The following CDK19 variants were observed in gnomAD, a reference collection of about 807,000 sequenced individuals.
CDK19 encodes the protein cyclin dependent kinase 19, also known as cyclin-dependent kinase 19.
A neutral mutation model predicts 68.3 loss-of-function variants in CDK19; 20 were observed. That is an observed-to-expected ratio of 0.29 (90% CI 0.21 to 0.43). The LOEUF is 0.43. Ranked by LOEUF, CDK19 falls within the 20% of genes least tolerant of loss-of-function variation. The pLI, the probability that CDK19 is intolerant of heterozygous loss-of-function variation, is 1.00. For synonymous variants in CDK19, 221 were observed against 222.8 expected, an observed-to-expected ratio of 0.99 and a Z score of 0.07; for missense variants, 339 against 623.5, an observed-to-expected ratio of 0.54 and a Z score of 4.86.
In CDK19 at chr6:110,797,558, T is replaced by A. The variant is rs149638657; in HGVS notation, c.128+17451A>T. On this transcript the variant is annotated intron_variant, in intron 1 of 12. Coordinates refer to ENST00000368911, the MANE Select transcript of CDK19 (RefSeq NM_015076.5). ...AGAAAGAAAATGGAGGGAAGGAAGA[T>A]AGAAAAGAAAAAAGGAAGAAAGCAG... is the stretch of plus-strand genomic sequence containing the variant. Among the ~76,000 whole-genome samples, 812 of 151,638 alleles carry A rather than the reference T, an allele frequency of 5.4e-3. 10 individuals are homozygous for A. Among genetic ancestry groups the A allele is most frequent in the African/African-American group, 0.019 (768 of 41,360 alleles).
chr6:110,740,298 G>T (rs910072456), intron 2 of CDK19, among the ~76,000 whole-genome samples: 1 of 152,054 alleles, frequency 6.6e-6, no homozygotes, highest in Non-Finnish European at 1.5e-5. Context: ...GATCACAGAG[G>T]CCACAAATGT....
intron 1 of CDK19, among the ~76,000 whole-genome samples, chr6:110,773,434 C>T (rs970852582): frequency 6.6e-6 from 1 of 151,972 alleles, no homozygotes; most frequent in Non-Finnish European, 1.5e-5. Context: ...AGCATGAATG[C>T]CTATCTTCCA....
intron 2 of CDK19, among the ~76,000 whole-genome samples, chr6:110,714,159 C>T (rs1319452158): frequency 6.6e-6 from 1 of 152,186 alleles, no homozygotes; most frequent in Non-Finnish European, 1.5e-5. Flanking sequence ...TTACTCTGGA[C>T]ATTTCATATA....
intron 4 of CDK19, among the ~76,000 whole-genome samples, chr6:110,661,066 C>T (rs1781590763): frequency 6.6e-6 from 1 of 152,140 alleles, no homozygotes; most frequent in East Asian, 1.9e-4. Context: ...TGGACTATAC[C>T]TAATAACTTG....
intron 4 of CDK19, among the ~76,000 whole-genome samples, chr6:110,656,168 T>A: frequency 6.6e-6 from 1 of 152,208 alleles, no homozygotes; most frequent in East Asian, 1.9e-4. Context: ...CTTGTTGCTT[T>A]ATGATTATGT....
intron 8 of CDK19, 61 bp from the exon 9 acceptor site, chr6:110,623,423 T>C: frequency 1.9e-6 from 3 of 1,580,678 alleles, no homozygotes; most frequent in Non-Finnish European, 2.6e-6. Flanking sequence ...TATTTCTTAA[T>C]GATAAGCTCC....
At chr6:110,634,187 C>CT (rs1192250624) in intron 5 of CDK19, among the ~76,000 whole-genome samples, 1 of 151,932 alleles carries the variant, frequency 6.6e-6, no homozygotes, top group Non-Finnish European at 1.5e-5. Context: ...GGCAAAAAAT[C>CT]TTTTTAATTT....
chr6:110,784,787 A>G (rs1176729070), intron 1 of CDK19, among the ~76,000 whole-genome samples: 1 of 152,208 alleles, frequency 6.6e-6, no homozygotes, highest in Non-Finnish European at 1.5e-5. Context: ...CCACACAGTC[A>G]TCTGAAAGAA....
chr6:110,743,695 C>T (rs901554398), intron 2 of CDK19, among the ~76,000 whole-genome samples: 12 of 151,994 alleles, frequency 7.9e-5, no homozygotes, highest in Non-Finnish European at 1.5e-4. Context: ...TAAGTTTCTC[C>T]ATCACATTCC....
At chr6:110,748,232 A>G (rs555548036) in intron 1 of CDK19, among the ~76,000 whole-genome samples, 6 of 152,320 alleles carry the variant, frequency 3.9e-5, no homozygotes, top group South Asian at 4.1e-4. Flanking sequence ...TATGGAAACT[A>G]TAAGATCTTT....
chr6:110,637,773 A>G (rs1779875321), intron 5 of CDK19, among the ~76,000 whole-genome samples: 1 of 152,180 alleles, frequency 6.6e-6, no homozygotes, highest in Admixed American at 6.5e-5. Context: ...TGAGGTCAGG[A>G]GTTCGAGACC....
chr6:110,659,090 A>C (rs1397074044), intron 4 of CDK19, among the ~76,000 whole-genome samples: 1 of 152,246 alleles, frequency 6.6e-6, no homozygotes, highest in Non-Finnish European at 1.5e-5. Flanking sequence ...AGTAAGGCTA[A>C]AACTCTAGAG....
chr6:110,711,730 G>A (rs962209657), intron 2 of CDK19, among the ~76,000 whole-genome samples: 3 of 152,266 alleles, frequency 2.0e-5, no homozygotes, highest in Admixed American at 1.3e-4. Context: ...CACTTTGGGA[G>A]GCCAAGGCGG....
intron 1 of CDK19, among the ~76,000 whole-genome samples, chr6:110,795,807 TAA>T (rs1424138967): frequency 9.2e-5 from 14 of 152,260 alleles, no homozygotes; most frequent in South Asian, 4.1e-4. Flanking sequence ...CATATTCATA[TAA>T]GAGTATAAAC....
At chr6:110,728,198 G>A (rs1307570344) in intron 2 of CDK19, among the ~76,000 whole-genome samples, 4 of 150,978 alleles carry the variant, frequency 2.6e-5, no homozygotes, top group Non-Finnish European at 5.9e-5. Context: ...TAAGGCAGCA[G>A]AATTGCTTGA....
At chr6:110,746,704 C>T (rs1778100289) in intron 1 of CDK19, among the ~76,000 whole-genome samples, 1 of 152,034 alleles carries the variant, frequency 6.6e-6, no homozygotes, top group African/African-American at 2.4e-5. Context: ...ATTCAAAAGC[C>T]CGAGGACCTC....
chr6:110,626,763 T>A lies in CDK19; in HGVS notation c.860+13A>T. 1 of 1,480,118 alleles carries A rather than the reference T, an allele frequency of 6.8e-7. No individual in the cohort carries two copies. The highest frequency in any genetic ancestry group is 9.3e-7 in the Non-Finnish European group (1 of 1,076,988). 91.7% of individuals were successfully genotyped at this position (1,480,118 alleles called of 1,614,324 possible). On this transcript the variant is annotated intron_variant, in intron 8 of 12. Coordinates refer to ENST00000368911, the MANE Select transcript of CDK19 (RefSeq NM_015076.5). ...GCAGCACAAAAAGACTAAGACTGTG[T>A]GGAATTACTTACGTTGTTCTTCTAA...
chr6:110,794,938 T>C (rs1781841522), intron 1 of CDK19, among the ~76,000 whole-genome samples: 1 of 152,144 alleles, frequency 6.6e-6, no homozygotes, highest in South Asian at 2.1e-4. Context: ...CAAGATTAGA[T>C]AAATATAAAA....
At chr6:110,664,460 G>A (rs1173626927) in intron 4 of CDK19, among the ~76,000 whole-genome samples, 1 of 152,160 alleles carries the variant, frequency 6.6e-6, no homozygotes, top group Middle Eastern at 3.2e-3. Flanking sequence ...AAGGCTCCTT[G>A]AGAAGAAGGT....
Sources: allele counts gnomAD v4.1 joint callset (sites outside exome capture counted in the v4.1 genomes callset), GRCh38; gene constraint gnomAD v4.1.1; transcripts MANE v1.5; gene names NCBI Gene and HGNC (gene_info 2026-07-23, HGNC 2026-07-21).